The following SLC15A4 variants were observed in gnomAD, a reference collection of about 807,000 sequenced individuals.
SLC15A4 encodes the protein solute carrier family 15 member 4.
Under a neutral mutation model 46.1 loss-of-function variants are expected in SLC15A4, and 26 were observed. The ratio of observed to expected loss-of-function variants is 0.56; its 90% CI spans 0.41 to 0.78. The LOEUF is 0.78. SLC15A4 is among the 30% of genes least tolerant of loss of function. The pLI is 0.00. For synonymous variants in SLC15A4, 370 were observed against 333.4 expected (o/e 1.11, Z -1.20); for missense variants, 751 against 755.7 (o/e 0.99, Z 0.07).
At chr12:128,818,773 C>T (rs1955792935) in intron 1 of SLC15A4, among the ~76,000 whole-genome samples, 1 of 152,152 alleles carries the variant, frequency 6.6e-6, no homozygotes, top group Non-Finnish European at 1.5e-5. Flanking sequence ...CAGTCCCACG[C>T]CCCTCTCCTG....
At chr12:128,795,685 G>A (rs1023185950) in intron 7 of SLC15A4, among the ~76,000 whole-genome samples, 45 of 152,352 alleles carry the variant, frequency 3.0e-4, no homozygotes, top group African/African-American at 9.6e-4. Context: ...AGCCAGCACC[G>A]GCTAACATCA....
chr12:128,794,270 A>C lies in SLC15A4; in HGVS notation c.1660T>G (p.Ser554Ala), dbSNP rs755989624. The change falls in exon 8 of 8, where the codon TCT (serine) becomes GCT (alanine). Residue 554 changes from serine to alanine, a missense_variant. Transcript: ENST00000266771. Reference protein sequence around the residue: ...GATLLLFLIISVKYDHHRDHQ... With the variant: ...GATLLLFLIIAVKYDHHRDHQ... ...TCTCGATGATGGTCATATTTCACAG[A>C]AATAATGAGGAAAAGCAGGAGGGTA... 11 of 1,613,980 alleles carry C rather than the reference A, an allele frequency of 6.8e-6. No individual in the cohort carries two copies. The highest frequency in any genetic ancestry group is 9.3e-6 in the Non-Finnish European group (11 of 1,179,968).
chr12:128,809,858 C>T (rs1955634699), intron 3 of SLC15A4, 85 bp downstream of exon 3: 2 of 1,385,434 alleles, frequency 1.4e-6, no homozygotes, highest in East Asian at 2.3e-5. Context: ...CCTAGTCCTA[C>T]CTACTTTAGA....
Position 128,814,836 on chromosome 12 carries a change from A to C in SLC15A4, c.781T>G (p.Phe261Val). The change falls in exon 2 of 8, where the codon TTC becomes GTC. Residue 261 changes from phenylalanine (F) to valine (V), a missense_variant. Transcript: ENST00000266771. The part of the protein sequence containing the change: ...PPDGSAFTDM[F>V]KILTYSCCSQ... ...CAGCAGGAATACGTCAGTATCTTGAACATGTCGGTGAAGGCACTGCCATCA... is the reference window on the plus strand; with the variant it reads ...CAGCAGGAATACGTCAGTATCTTGACCATGTCGGTGAAGGCACTGCCATCA... 6.2e-7 allele frequency: 1 copy of C among 1,614,220 alleles called. No individual in the cohort carries two copies. The highest frequency in any genetic ancestry group is 8.5e-7 in the Non-Finnish European group (1 of 1,180,038).
At chr12:128,809,080 T>C (rs560493692) in intron 4 of SLC15A4, 124 bp from the exon 5 acceptor site, 2 of 875,090 alleles carry the variant, frequency 2.3e-6, no homozygotes, top group Non-Finnish European at 3.5e-6. Flanking sequence ...AGGTACAACC[T>C]CTTCAGTTTA....
chr12:128,797,126 C>T (rs1955454760), intron 7 of SLC15A4, among the ~76,000 whole-genome samples: 2 of 152,040 alleles, frequency 1.3e-5, no homozygotes, highest in Non-Finnish European at 2.9e-5. Context: ...CTCTTGGGTC[C>T]CCAAGGAATG....
chr12:128,818,539 G>A (rs1037534881), intron 1 of SLC15A4, among the ~76,000 whole-genome samples: 8 of 152,242 alleles, frequency 5.3e-5, no homozygotes, highest in African/African-American at 1.9e-4. Flanking sequence ...CCATGAAGCA[G>A]CCGCACCTGG....
chr12:128,805,242 C>T (rs1955570095), intron 5 of SLC15A4, among the ~76,000 whole-genome samples: 1 of 152,188 alleles, frequency 6.6e-6, no homozygotes, highest in South Asian at 2.1e-4. Context: ...TTCAACTTAA[C>T]TGTGAGCTAC....
At chr12:128,817,507 T>A (rs1361890711) in intron 1 of SLC15A4, among the ~76,000 whole-genome samples, 1 of 152,154 alleles carries the variant, frequency 6.6e-6, no homozygotes, top group African/African-American at 2.4e-5. Context: ...GACCTTCCCA[T>A]TACCCACAGT....
chr12:128,821,446 C>G (rs1257779982), intron 1 of SLC15A4, among the ~76,000 whole-genome samples: 1 of 152,256 alleles, frequency 6.6e-6, no homozygotes, highest in Non-Finnish European at 1.5e-5. Flanking sequence ...AATTCTGCCA[C>G]TGCTTAGTGA....
chr12:128,810,438 C>A, intron 2 of SLC15A4: 1 of 313,016 alleles, frequency 3.2e-6, no homozygotes, highest in Non-Finnish European at 6.1e-6. Context: ...TCGGCAATCT[C>A]CGTGTGGGGA....
Position 128,814,840 on chromosome 12 carries a change from G to A in SLC15A4, c.777C>T (p.Asp259=), listed in dbSNP as rs10847697. The change falls in exon 2 of 8, where the codon GAC becomes GAT. Residue 259 remains aspartate, a synonymous_variant. Coordinates refer to ENST00000266771, the MANE Select transcript of SLC15A4 (RefSeq NM_145648.4). ...AGGAATACGTCAGTATCTTGAACAT[G>A]TCGGTGAAGGCACTGCCATCAGGAG... The part of the protein sequence containing the change: ...TKPPDGSAFT[D]MFKILTYSCC... 0.11 allele frequency: 182,160 copies of A among 1,613,998 alleles called. 11,737 individuals are homozygous for A. The highest frequency in any genetic ancestry group is 0.23 in the Admixed American group (13,702 of 59,998).
intron 5 of SLC15A4, among the ~76,000 whole-genome samples, chr12:128,802,916 C>T (rs78435850): frequency 0.019 from 2,839 of 152,252 alleles, 98 homozygotes; most frequent in African/African-American, 0.064. Flanking sequence ...AAACCAGGAT[C>T]GGGACGGGTG....
intron 1 of SLC15A4, among the ~76,000 whole-genome samples, chr12:128,820,777 T>C (rs925328721): frequency 3.3e-5 from 5 of 152,218 alleles, no homozygotes; most frequent in Non-Finnish European, 7.3e-5. Context: ...CAGTAAATGT[T>C]CCTAAAAAAC....
intron 1 of SLC15A4, 116 bp downstream of exon 1, chr12:128,823,282 C>A: frequency 3.9e-6 from 4 of 1,036,188 alleles, no homozygotes; most frequent in Non-Finnish European, 3.9e-6. Context: ...AGACAGAAGC[C>A]CCCCGGGGCA....
chr12:128,812,285 C>T (rs1955667165), intron 2 of SLC15A4, among the ~76,000 whole-genome samples: 3 of 152,212 alleles, frequency 2.0e-5, no homozygotes, highest in Admixed American at 1.3e-4. Context: ...GTATGTCATG[C>T]TTCCTCAGGC....
intron 5 of SLC15A4, among the ~76,000 whole-genome samples, chr12:128,804,032 T>C (rs779213283): frequency 6.6e-6 from 1 of 152,022 alleles, no homozygotes; most frequent in Non-Finnish European, 1.5e-5. Flanking sequence ...AGTACTGGAG[T>C]TTAAGACTCC....
intron 1 of SLC15A4, among the ~76,000 whole-genome samples, chr12:128,820,821 A>C (rs988093353): frequency 2.6e-5 from 4 of 152,216 alleles, no homozygotes; most frequent in African/African-American, 4.8e-5. Flanking sequence ...AAAGCCTAAG[A>C]GTCGCCTTCC....
chr12:128,795,404 A>G (rs1392790891), intron 7 of SLC15A4, among the ~76,000 whole-genome samples: 1 of 152,202 alleles, frequency 6.6e-6, no homozygotes, highest in Non-Finnish European at 1.5e-5. Flanking sequence ...CTGCATCCCA[A>G]GCAGGCTGGA....
Sources: allele counts gnomAD v4.1 joint callset (sites outside exome capture counted in the v4.1 genomes callset), GRCh38; gene constraint gnomAD v4.1.1; transcripts MANE v1.5; gene names NCBI Gene and HGNC (gene_info 2026-07-23, HGNC 2026-07-21).